PRR14L: variants seen among roughly 807,000 people sequenced by gnomAD.
PRR14L encodes the protein proline rich 14 like.
Under a neutral mutation model 155.0 loss-of-function variants are expected in PRR14L, and 80 were observed. The ratio of observed to expected loss-of-function variants is 0.52; its 90% CI spans 0.43 to 0.62. The LOEUF is 0.62. Among genes scored for constraint, PRR14L ranks in the 20% least tolerant of loss-of-function variants. PRR14L has a pLI of 0.00. For missense variants in PRR14L, 2,469 were observed against 2,548.0 expected (o/e 0.97, Z 0.67); for synonymous variants, 883 against 916.0 (o/e 0.96, Z 0.65).
At position 31,714,931 on chromosome 22, in the gene PRR14L, G is replaced by A. The variant is rs755992203; in HGVS notation, c.2908C>T (p.Leu970Phe). 3.9e-5 allele frequency: 60 copies of A among 1,551,832 alleles called. No individual in the cohort carries two copies. Among genetic ancestry groups the A allele is most frequent in the Middle Eastern group, 1.7e-4 (1 of 6,016 alleles). Residue 970 changes from leucine (L) to phenylalanine (F), a missense_variant, in exon 4 of 9, where the codon CTT becomes TTT. Around this residue, in one of 2 missense-constraint regions of PRR14L, gnomAD observed 2,363 missense variants for 2,371.6 expected, o/e 1.00. Coordinates refer to ENST00000327423, the MANE Select transcript of PRR14L (RefSeq NM_173566.3). ...ETLDQKADEV[L>F]DCQSNQNRPD... Reference sequence around the variant, plus strand: ...CTGTTTTGGTTACTCTGACAGTCAAGGACTTCATCTGCCTTCTGATCGAGT... The same window carrying A: ...CTGTTTTGGTTACTCTGACAGTCAAAGACTTCATCTGCCTTCTGATCGAGT...
intron 2 of PRR14L, among the ~76,000 whole-genome samples, chr22:31,735,223 A>G (rs2074772223): frequency 6.6e-6 from 1 of 152,056 alleles, no homozygotes; most frequent in African/African-American, 2.4e-5. Flanking sequence ...GCGGATCACG[A>G]AGTCAGGAGA....
chr22:31,705,206 A>G (rs973560653), intron 4 of PRR14L, among the ~76,000 whole-genome samples: 6 of 152,194 alleles, frequency 3.9e-5, no homozygotes, highest in Admixed American at 2.6e-4. Flanking sequence ...GACTGAAGTA[A>G]GCCAAGACTG....
In PRR14L at chr22:31,714,951, T is replaced by C. The variant is rs1250274245; in HGVS notation, c.2888A>G (p.Asp963Gly). 6.4e-7 allele frequency: 1 copy of C among 1,551,970 alleles called. No individual in the cohort carries two copies. The highest frequency in any genetic ancestry group is 1.4e-5 in the African/African-American group (1 of 73,060). ...GTCAAGGACTTCATCTGCCTTCTGA[T>C]CGAGTGTTTCAACTGATTTTACATT... ...FKNVKSVETLDQKADEVLDCQ... is the reference protein window; with the variant it reads ...FKNVKSVETLGQKADEVLDCQ... The change falls in exon 4 of 9, where the codon GAT becomes GGT. Residue 963 changes from aspartate to glycine, a missense_variant. Transcript: ENST00000327423.
At chr22:31,717,732 C>A (rs1256653184) in intron 3 of PRR14L, among the ~76,000 whole-genome samples, 1 of 152,086 alleles carries the variant, frequency 6.6e-6, no homozygotes, top group Non-Finnish European at 1.5e-5. Flanking sequence ...TGGAAAAAAA[C>A]AACTATACCT....
Position 31,716,687 on chromosome 22 carries a change from C to G in PRR14L, c.1152G>C (p.Arg384Ser), listed in dbSNP as rs1309219366. 2.6e-6 allele frequency: 4 copies of G among 1,551,740 alleles called. No homozygotes were observed. Among genetic ancestry groups the G allele is most frequent in the Non-Finnish European group, 2.6e-6 (3 of 1,147,016 alleles). Residue 384 changes from arginine (R) to serine (S), a missense_variant, in exon 4 of 9, where the codon AGG (arginine) becomes AGC (serine). Physicochemically the swap from Arg to Ser is moderately radical, Grantham distance 110. Around this residue, in one of 2 missense-constraint regions of PRR14L, gnomAD observed 2,363 missense variants for 2,371.6 expected, o/e 1.00. Coordinates refer to ENST00000327423, the MANE Select transcript of PRR14L (RefSeq NM_173566.3). ...AEKTDSSYFYRGDDQGKNLAS... is the reference protein window; with the variant it reads ...AEKTDSSYFYSGDDQGKNLAS... ...CCAAGTTCTTCCCTTGATCATCCCC[C>G]CTATAAAAATAAGAACTGTCTGTCT...
chr22:31,717,563 A>C (rs1004042895), intron 3 of PRR14L, among the ~76,000 whole-genome samples: 3 of 152,214 alleles, frequency 2.0e-5, no homozygotes, highest in Non-Finnish European at 2.9e-5. Flanking sequence ...GGACAACTGA[A>C]TACAACATAG....
intron 4 of PRR14L, among the ~76,000 whole-genome samples, chr22:31,711,300 G>A (rs773607119): frequency 1.3e-5 from 2 of 151,424 alleles, no homozygotes. Context: ...TGGTGAAACC[G>A]TCTCTACTAA....
chr22:31,737,222 T>C lies in PRR14L; in HGVS notation c.474+1165A>G, dbSNP rs2074787006. Among the ~76,000 whole-genome samples the C allele has an allele frequency of 2.0e-5, 3 of 152,028 alleles. No homozygotes were observed. The South Asian group carries it at 6.2e-4, about 32-fold the overall frequency. The stretch of plus-strand genomic sequence containing the variant: ...CCAGCAGGGTACGGTGGCTCACGCC[T>C]ATAATCCCAACATTTTGGGAGGCCA... On this transcript the variant is annotated intron_variant, in intron 2 of 8. Transcript: ENST00000327423.
rs577725143 is a variant in PRR14L at position 31,713,362 on chromosome 22, G to T, written c.4477C>A (p.Arg1493=). The change falls in exon 4 of 9, where the codon CGG becomes AGG. Residue 1493 remains arginine (R), a synonymous_variant. Coordinates refer to ENST00000327423, the MANE Select transcript of PRR14L (RefSeq NM_173566.3). The stretch of plus-strand genomic sequence containing the variant: ...GCAGAGGAGGGGTCTTGTGCTTTCC[G>T]AGGGGCACCAAGAAGGCAAGGACTT... The part of the protein sequence containing the change: ...CTSPCLLGAP[R]KAQDPSSAGC... The T allele has an allele frequency of 6.4e-7, 1 of 1,551,972 alleles. No individual in the cohort carries two copies. The highest frequency in any genetic ancestry group is 2.0e-5 in the Admixed American group (1 of 50,970).
At chr22:31,686,168 C>G (rs8143084) in intron 8 of PRR14L, among the ~76,000 whole-genome samples, 2,121 of 149,898 alleles carry the variant, frequency 0.014, 54 homozygotes, top group African/African-American at 0.05. Context: ...GTGTGATCTC[C>G]GCTCACTGCA....
Position 31,712,412 on chromosome 22 carries a change from G to A in PRR14L, c.5427C>T (p.Val1809=). The change falls in exon 4 of 9, where the codon GTC becomes GTT. Residue 1809 remains valine (V), a synonymous_variant. Transcript: ENST00000327423. The part of the protein sequence containing the change: ...PLQDYGGTAI[V]QTRADCSVLG... ...GGACAGAGCAGTCTGCTCTGGTCTG[G>A]ACTATGGCAGTGCCTCCATAGTCTT... 1.9e-6 allele frequency: 3 copies of A among 1,581,568 alleles called. No homozygotes were observed. Among genetic ancestry groups the A allele is most frequent in the Non-Finnish European group, 2.6e-6 (3 of 1,163,398 alleles).
Position 31,715,707 on chromosome 22 carries a change from G to C in PRR14L, c.2132C>G (p.Thr711Arg), listed in dbSNP as rs1250543801. The C allele has an allele frequency of 6.4e-7, 1 of 1,552,222 alleles. No homozygotes were observed. Among genetic ancestry groups the C allele is most frequent in the East Asian group, 2.4e-5 (1 of 40,926 alleles). Residue 711 changes from threonine (T) to arginine (R), a missense_variant, in exon 4 of 9, where the codon ACA (threonine) becomes AGA (arginine). Transcript: ENST00000327423. ...IADIQTIPIQ[T>R]KIKDISPPGN... is the part of the protein sequence containing the mutation. ...TGGTGGAGAGATGTCTTTTATTTTT[G>C]TCTGAATGGGAATGGTTTGTATATC...
At chr22:31,747,172 A>G (rs1231477285) in intron 1 of PRR14L, among the ~76,000 whole-genome samples, 1 of 141,376 alleles carries the variant, frequency 7.1e-6, no homozygotes, top group South Asian at 2.3e-4. Flanking sequence ...GTGCAACAGC[A>G]TGATCTCGGC....
At chr22:31,730,309 G>A (rs1221728728) in intron 2 of PRR14L, among the ~76,000 whole-genome samples, 3 of 152,058 alleles carry the variant, frequency 2.0e-5, no homozygotes, top group East Asian at 1.9e-4. Flanking sequence ...ATGGTGGCAC[G>A]TGCCTGTAAT....
chr22:31,744,707 A>G (rs1315372999), intron 1 of PRR14L, among the ~76,000 whole-genome samples: 1 of 152,166 alleles, frequency 6.6e-6, no homozygotes, highest in Non-Finnish European at 1.5e-5. Context: ...CTGTGGACTC[A>G]ACTCCCTGCA....
At chr22:31,719,940 T>G (rs2074681253) in intron 3 of PRR14L, among the ~76,000 whole-genome samples, 1 of 152,130 alleles carries the variant, frequency 6.6e-6, no homozygotes, top group South Asian at 2.1e-4. Flanking sequence ...TTATTTATGT[T>G]GCCCAGGCTG....
intron 4 of PRR14L, among the ~76,000 whole-genome samples, chr22:31,707,752 A>G (rs771107715): frequency 6.6e-6 from 1 of 152,232 alleles, no homozygotes; most frequent in Non-Finnish European, 1.5e-5. Flanking sequence ...TTTTAGAGGC[A>G]TATCAACAAA....
Position 31,713,699 on chromosome 22 carries a change from C to T in PRR14L, c.4140G>A (p.Arg1380=). The T allele has an allele frequency of 6.4e-7, 1 of 1,552,218 alleles. No individual in the cohort carries two copies. The highest frequency in any genetic ancestry group is 8.7e-7 in the Non-Finnish European group (1 of 1,147,116). Residue 1380 remains arginine, a synonymous_variant, in exon 4 of 9, where the codon CGG becomes CGA. Coordinates refer to ENST00000327423, the MANE Select transcript of PRR14L (RefSeq NM_173566.3). ...GTTTTTCAGCATGATTAAGTATCCC[C>T]CGGCATTTAAAATGGGTCTGAGAGA... ...SNISQTHFKC[R]GILNHAEKQQ...
At chr22:31,736,170 G>T (rs2147874801) in intron 2 of PRR14L, among the ~76,000 whole-genome samples, 1 of 149,124 alleles carries the variant, frequency 6.7e-6, no homozygotes, top group South Asian at 2.1e-4. Context: ...AGTGAGCTGA[G>T]ATTGCGCCAC....
Sources: gnomAD v4.1 joint callset for allele counts (sites outside exome capture counted in the v4.1 genomes callset) on GRCh38, gnomAD v4.1.1 for gene constraint, gnomAD v4.1.1 regional missense constraint, MANE v1.5 for transcripts, NCBI Gene and HGNC (gene_info 2026-07-23, HGNC 2026-07-21) for gene names.